TNFRSF8: variants seen among roughly 807,000 people sequenced by gnomAD.
TNFRSF8 encodes the protein tumor necrosis factor receptor superfamily member 8.
TNFRSF8 carries 26 observed loss-of-function variants against 70.8 expected under a neutral mutation model. That is an observed-to-expected ratio of 0.37 (90% CI 0.27 to 0.51). The LOEUF (loss-of-function observed/expected upper bound fraction) is 0.51. TNFRSF8 is among the 20% of genes least tolerant of loss of function. The pLI is 0.94. For missense variants in TNFRSF8, 720 were observed against 807.9 expected, an observed-to-expected ratio of 0.89 and a Z score of 1.32; for synonymous variants, 356 against 339.2, an observed-to-expected ratio of 1.05 and a Z score of -0.54.
intron 1 of TNFRSF8, among the ~76,000 whole-genome samples, chr1:12,073,751 G>A (rs1170027610): frequency 1.3e-5 from 2 of 151,422 alleles, no homozygotes; most frequent in Non-Finnish European, 1.5e-5. Flanking sequence ...CCACCACCAC[G>A]CCTGGCTAAT....
At chr1:12,082,514 C>T (rs1410894433) in intron 1 of TNFRSF8, among the ~76,000 whole-genome samples, 2 of 147,218 alleles carry the variant, frequency 1.4e-5, no homozygotes, top group African/African-American at 5.1e-5. Flanking sequence ...TGCACCATTG[C>T]ACTCTAGCCT....
intron 2 of TNFRSF8, among the ~76,000 whole-genome samples, chr1:12,089,193 C>T (rs1421591060): frequency 6.6e-6 from 1 of 152,182 alleles, no homozygotes; most frequent in African/African-American, 2.4e-5. Flanking sequence ...GCTCTTGGTG[C>T]CTCCCATGGT....
At chr1:12,076,591 C>T (rs1640971580) in intron 1 of TNFRSF8, among the ~76,000 whole-genome samples, 1 of 152,122 alleles carries the variant, frequency 6.6e-6, no homozygotes, top group Non-Finnish European at 1.5e-5. Context: ...ATCTCCAACC[C>T]TGGGGCCAGG....
At chr1:12,104,285 G>A (rs530022317) in intron 3 of TNFRSF8, 94 bp from the exon 4 acceptor site, 17 of 1,415,464 alleles carry the variant, frequency 1.2e-5, no homozygotes, top group East Asian at 4.6e-5. Context: ...GCTGCGTTGC[G>A]GACTGCACCT....
At chr1:12,128,506 G>A in intron 12 of TNFRSF8, among the ~76,000 whole-genome samples, 1 of 152,230 alleles carries the variant, frequency 6.6e-6, no homozygotes, top group East Asian at 1.9e-4. Flanking sequence ...GGCCTGTGAG[G>A]TACTTACTGT....
intron 3 of TNFRSF8, among the ~76,000 whole-genome samples, chr1:12,103,118 C>CT (rs1326223827): frequency 5.3e-5 from 8 of 152,032 alleles, no homozygotes; most frequent in African/African-American, 1.9e-4. Flanking sequence ...AATCTCAGCA[C>CT]TTTGGGAGGC....
At chr1:12,135,117 C>T (rs914757765) in intron 12 of TNFRSF8, among the ~76,000 whole-genome samples, 5 of 151,864 alleles carry the variant, frequency 3.3e-5, no homozygotes, top group East Asian at 3.9e-4. Flanking sequence ...AGTTTGAGAC[C>T]GGCCTGGCCA....
rs866457885 is a variant in TNFRSF8, at chr1:12,112,052, C to G, written c.793+38C>G. On this transcript the variant is annotated intron_variant, in intron 7 of 14. Transcript: ENST00000263932. The surrounding 1 kb of genome is among the most constrained non-coding windows in gnomAD (Gnocchi z 5.3). The stretch of plus-strand genomic sequence containing the variant: ...TCCCTCCCCGGGCCTCAGTTTACCT[C>G]TCTGCATTTTTGAACCGTGAACTTC... The G allele has an allele frequency of 4.6e-6, 7 of 1,523,218 alleles. No individual in the cohort carries two copies. The highest frequency in any genetic ancestry group is 5.4e-6 in the Non-Finnish European group (6 of 1,103,790). The allele number at this position is 1,523,218 out of a possible 1,614,324, so 94.4% of individuals were successfully genotyped here. A position where few individuals can be genotyped will look rare whatever the true frequency, so the allele number is the denominator to read the frequency against.
chr1:12,064,290 C>A (rs1024771682), intron 1 of TNFRSF8, among the ~76,000 whole-genome samples: 1 of 152,160 alleles, frequency 6.6e-6, no homozygotes, highest in Non-Finnish European at 1.5e-5. Context: ...AGTGGTGGGG[C>A]TGAAGTCTAT....
chr1:12,118,262 C>T (rs1570055644), intron 8 of TNFRSF8, among the ~76,000 whole-genome samples: 1 of 152,070 alleles, frequency 6.6e-6, no homozygotes, highest in African/African-American at 2.4e-5. Context: ...AGGCGTGCAC[C>T]ACCACACCCG....
intron 12 of TNFRSF8, among the ~76,000 whole-genome samples, chr1:12,133,358 G>A (rs936081210): frequency 6.6e-6 from 1 of 150,764 alleles, no homozygotes; most frequent in Non-Finnish European, 1.5e-5. Flanking sequence ...GCCACCCCCA[G>A]TGACTTGGTA....
In TNFRSF8 at chr1:12,138,333, G is replaced by A; in HGVS notation, c.1440G>A (p.Leu480=). 2 of 1,613,770 alleles carry A rather than the reference G, an allele frequency of 1.2e-6. No homozygotes were observed. Among genetic ancestry groups the A allele is most frequent in the Non-Finnish European group, 1.7e-6 (2 of 1,179,970 alleles). The change falls in exon 14 of 15, where the codon CTG becomes CTA. Residue 480 remains leucine (L), a synonymous_variant. Transcript: ENST00000263932. This position sits in a 1 kb window ranked among gnomAD's most constrained non-coding sequence, Gnocchi z 5.7. ...GCCACAGCGTGGGGGCAGCCTACCT[G>A]GAGAGCCTGCCGCTGCAGGATGCCA... ...ETCHSVGAAY[L]ESLPLQDASP... is the part of the protein sequence containing the mutation.
At chr1:12,073,513 C>T (rs899707539) in intron 1 of TNFRSF8, among the ~76,000 whole-genome samples, 10 of 150,668 alleles carry the variant, frequency 6.6e-5, no homozygotes, top group Non-Finnish European at 1.3e-4. Flanking sequence ...CCCTCCTTCT[C>T]TTCTTTCTTT....
At chr1:12,130,604 G>A (rs944551079) in intron 12 of TNFRSF8, among the ~76,000 whole-genome samples, 1 of 152,210 alleles carries the variant, frequency 6.6e-6, no homozygotes, top group Non-Finnish European at 1.5e-5. Flanking sequence ...AGAGGGGAGG[G>A]GACTAAAAGT....
chr1:12,130,290 T>A (rs932927551), intron 12 of TNFRSF8, among the ~76,000 whole-genome samples: 10 of 152,238 alleles, frequency 6.6e-5, no homozygotes, highest in African/African-American at 2.4e-4. Context: ...GGTTGTAATC[T>A]CTTACCATCA....
chr1:12,108,050 G>A lies in TNFRSF8; in HGVS notation c.422-1516G>A, dbSNP rs949312200. Among the ~76,000 whole-genome samples, 5 of 150,958 alleles carry A rather than the reference G, an allele frequency of 3.3e-5. No individual in the cohort carries two copies. The highest frequency in any genetic ancestry group is 7.3e-5 in the African/African-American group (3 of 41,160). ...TCACCTCCACGGAAAGCTTCAGAGC[G>A]AAGTCCCACACATACAGGCCACCAT... On this transcript the variant is annotated intron_variant, in intron 4 of 14. Coordinates refer to ENST00000263932, the MANE Select transcript of TNFRSF8 (RefSeq NM_001243.5). This position sits in a 1 kb window ranked among gnomAD's most constrained non-coding sequence, Gnocchi z 4.0.
intron 8 of TNFRSF8, among the ~76,000 whole-genome samples, chr1:12,116,371 C>T (rs568972794): frequency 2.0e-4 from 30 of 152,274 alleles, no homozygotes; most frequent in Admixed American, 3.9e-4. Flanking sequence ...TCTAACAGGA[C>T]GGTTGGCTTT....
At chr1:12,068,060 A>C (rs1360035391) in intron 1 of TNFRSF8, among the ~76,000 whole-genome samples, 2 of 152,020 alleles carry the variant, frequency 1.3e-5, no homozygotes, top group Non-Finnish European at 2.9e-5. Context: ...AGGGGCGTTT[A>C]CTGTAAGTTT....
Position 12,112,360 on chromosome 1 carries a change from A to G in TNFRSF8, c.793+346A>G, listed in dbSNP as rs1215482927. Among the ~76,000 whole-genome samples the G allele has an allele frequency of 6.8e-6, 1 of 146,740 alleles. No homozygotes were observed. The highest frequency in any genetic ancestry group is 2.2e-4 in the South Asian group (1 of 4,548). Reference sequence around the variant, plus strand: ...GCCACCAGGTTCCAGGTTCTCGTCCACTCCACTCGCTGCCCCTATGAGCCA... The same window carrying G: ...GCCACCAGGTTCCAGGTTCTCGTCCGCTCCACTCGCTGCCCCTATGAGCCA... On this transcript the variant is annotated intron_variant, in intron 7 of 14. Transcript: ENST00000263932. The surrounding 1 kb of genome is among the most constrained non-coding windows in gnomAD (Gnocchi z 5.3).
Sources: gnomAD v4.1 joint callset for allele counts (sites outside exome capture counted in the v4.1 genomes callset) on GRCh38, gnomAD v4.1.1 for gene constraint, Gnocchi (gnomAD v3.1) non-coding constraint, MANE v1.5 for transcripts, NCBI Gene and HGNC (gene_info 2026-07-23, HGNC 2026-07-21) for gene names.